FAM174B: variants seen among roughly 807,000 people sequenced by gnomAD.
The protein encoded by FAM174B is membrane protein FAM174B.
In FAM174B, 12 loss-of-function variants were observed where a neutral mutation model predicts 10.9. That is an observed-to-expected ratio of 1.10 (90% confidence interval 0.71 to 1.79). The LOEUF (loss-of-function observed/expected upper bound fraction) is 1.79. FAM174B is among the 40% of genes most tolerant of loss of function. The pLI is 0.00. For missense variants in FAM174B, 266 were observed against 233.3 expected (o/e 1.14, Z -0.91); for synonymous variants, 132 against 115.8 (o/e 1.14, Z -0.90).
intron 1 of FAM174B, among the ~76,000 whole-genome samples, chr15:92,651,773 A>T (rs1567051273): frequency 1.3e-5 from 2 of 152,256 alleles, no homozygotes; most frequent in South Asian, 4.1e-4. Flanking sequence ...AATCATTCAC[A>T]TTAGAAGCAA....
chr15:92,617,702 G>A lies in FAM174B; in HGVS notation c.*1754C>T, dbSNP rs557653767. On this transcript the variant is annotated 3_prime_UTR_variant, in exon 3 of 3. Coordinates refer to ENST00000327355, the MANE Select transcript of FAM174B (RefSeq NM_207446.3). ...GGGCGAACAGCTGCGAGGTGGCCAG[G>A]CTCCCGTGAGTCACCACTCAGGCCT... The A allele has an allele frequency of 7.1e-5, 48 of 680,308 alleles. No individual in the cohort carries two copies. Among genetic ancestry groups the A allele is most frequent in the Non-Finnish European group, 1.3e-4 (48 of 376,842 alleles). The allele number at this position is 680,308 out of a possible 1,614,324, so 42.1% of individuals were successfully genotyped here.
chr15:92,652,317 A>G (rs554973356), intron 1 of FAM174B, among the ~76,000 whole-genome samples: 2 of 152,318 alleles, frequency 1.3e-5, no homozygotes, highest in East Asian at 1.9e-4. Flanking sequence ...AACAGCAACG[A>G]GGTCAAACAG....
At position 92,648,057 on chromosome 15, in the gene FAM174B, G is replaced by A. The variant is rs1035286115; in HGVS notation, c.344+7259C>T. ...TGCCAATCAAAACCTCTTTGAATCT[G>A]CCTATGGTCTATAAGCCCCACTTCA... is the stretch of plus-strand genomic sequence containing the variant. On this transcript the variant is annotated intron_variant, in intron 1 of 2. Transcript: ENST00000327355. Among the ~76,000 whole-genome samples the A allele has an allele frequency of 4.3e-4, 65 of 152,142 alleles. 1 individual carries two copies. The highest frequency in any genetic ancestry group is 4.3e-3 in the Admixed American group (65 of 15,272).
At chr15:92,629,358 A>G (rs1266744273) in intron 2 of FAM174B, among the ~76,000 whole-genome samples, 2 of 152,240 alleles carry the variant, frequency 1.3e-5, no homozygotes, top group African/African-American at 4.8e-5. Context: ...TCCTAAAGTC[A>G]CAAAGTCATT....
In FAM174B at chr15:92,630,347, T is replaced by C. The variant is rs1165167832; in HGVS notation, c.345-2A>G. On this transcript the variant is annotated splice_acceptor_variant, in intron 1 of 2. Coordinates refer to ENST00000327355, the MANE Select transcript of FAM174B (RefSeq NM_207446.3). LOFTEE classifies it high-confidence loss of function. ...GTCTTCTTTAACCTCTTTCCCGACC[T>C]GCAGGAGAAGAAGCACATTCATGAG... The C allele has an allele frequency of 6.2e-7, 1 of 1,608,770 alleles. No homozygotes were observed. Among genetic ancestry groups the C allele is most frequent in the Non-Finnish European group, 8.5e-7 (1 of 1,177,166 alleles).
rs1381152876 is a variant in FAM174B, at chr15:92,630,766, A to ATATTATATAATAATAT, written c.345-422_345-421insATATTATTATATAATA. Among the ~76,000 whole-genome samples, 2 of 590 alleles carry ATATTATATAATAATAT rather than the reference A, an allele frequency of 3.4e-3. 1 individual carries two copies. Among genetic ancestry groups the ATATTATATAATAATAT allele is most frequent in the African/African-American group, 3.8e-3 (2 of 526 alleles). The allele number at this position is 590 out of a possible 152,430, so 0.4% of individuals were successfully genotyped here. A position where few individuals can be genotyped will look rare whatever the true frequency, so the allele number is the denominator to read the frequency against. ...TTTTTTATATTATATAATAATATAT[A>ATATTATATAATAATAT]ATAATAATATATTTTATATATTACA... On this transcript the variant is annotated intron_variant, in intron 1 of 2. Transcript: ENST00000327355.
intron 1 of FAM174B, among the ~76,000 whole-genome samples, chr15:92,644,074 A>C (rs750809355): frequency 7.9e-5 from 12 of 152,170 alleles, no homozygotes; most frequent in East Asian, 5.8e-4. Context: ...GGACATAAGA[A>C]GTAACAGAGC....
Position 92,628,069 on chromosome 15 carries a change from C to T in FAM174B, c.476+2145G>A, listed in dbSNP as rs371210781. 7.9e-5 allele frequency among the ~76,000 whole-genome samples: 12 copies of T among 152,116 alleles called. No individual in the cohort carries two copies. In the East Asian group the frequency reaches 1.5e-3, roughly 20 times the overall value. ...CATTCTCTAGTATACTTTAAATCAT[C>T]CCTAAATTATTCCTAATACCTAATA... On this transcript the variant is annotated intron_variant, in intron 2 of 2. Transcript: ENST00000327355.
intron 1 of FAM174B, among the ~76,000 whole-genome samples, chr15:92,644,840 C>A (rs1380420755): frequency 6.6e-6 from 1 of 152,258 alleles, no homozygotes; most frequent in Admixed American, 6.5e-5. Context: ...CAAGCTCCTG[C>A]CCGGCTGCCC....
At chr15:92,634,336 T>C (rs1445775930) in intron 1 of FAM174B, 1 of 152,242 alleles carries the variant, frequency 6.6e-6, no homozygotes, top group Non-Finnish European at 1.5e-5. Context: ...ATGCCTCGTG[T>C]AGTCATTGGC....
chr15:92,629,628 G>T (rs1294322611), intron 2 of FAM174B, among the ~76,000 whole-genome samples: 3 of 152,188 alleles, frequency 2.0e-5, no homozygotes, highest in Non-Finnish European at 4.4e-5. Context: ...AGGTGACTTT[G>T]TGTTCTCCTT....
At chr15:92,641,582 T>C (rs537629705) in intron 1 of FAM174B, among the ~76,000 whole-genome samples, 2 of 152,138 alleles carry the variant, frequency 1.3e-5, no homozygotes, top group East Asian at 3.9e-4. Context: ...AGAAAAGATA[T>C]CCACATGCAA....
At chr15:92,643,080 G>C (rs1328049325) in intron 1 of FAM174B, among the ~76,000 whole-genome samples, 1 of 151,844 alleles carries the variant, frequency 6.6e-6, no homozygotes, top group Non-Finnish European at 1.5e-5. Flanking sequence ...TGATTTCAGT[G>C]ATAGATGCAC....
chr15:92,627,051 CA>C (rs906863198), intron 2 of FAM174B: 1 of 148,308 alleles, frequency 6.7e-6, no homozygotes, highest in Non-Finnish European at 1.5e-5. Flanking sequence ...GACTCCATCT[CA>C]AAAAAAACAA....
intron 1 of FAM174B, among the ~76,000 whole-genome samples, chr15:92,638,318 C>A (rs2050868813): frequency 6.6e-6 from 1 of 152,158 alleles, no homozygotes; most frequent in Non-Finnish European, 1.5e-5. Flanking sequence ...TTCTTTTAGT[C>A]TGAAATATAA....
rs191286605 is a variant in FAM174B, at chr15:92,638,918, T to C, written c.345-8573A>G. ...GCCCCTCCTGCGTCATCCACAGCAC[T>C]GGGGTGACGGTACCAGCAGGCACTG... On this transcript the variant is annotated intron_variant, in intron 1 of 2. Coordinates refer to ENST00000327355, the MANE Select transcript of FAM174B (RefSeq NM_207446.3). Among the ~76,000 whole-genome samples the C allele has an allele frequency of 1.0e-3, 154 of 152,286 alleles. 1 individual carries two copies. Among genetic ancestry groups the C allele is most frequent in the African/African-American group, 3.6e-3 (148 of 41,554 alleles).
At chr15:92,626,153 C>T (rs2141950205) in intron 2 of FAM174B, among the ~76,000 whole-genome samples, 2 of 42,464 alleles carry the variant, frequency 4.7e-5, no homozygotes, top group East Asian at 1.1e-3. Context: ...GGCCGGAGTG[C>T]ACTGGCGCGA....
At chr15:92,651,441 T>A (rs182228030) in intron 1 of FAM174B, among the ~76,000 whole-genome samples, 24 of 152,324 alleles carry the variant, frequency 1.6e-4, no homozygotes, top group Admixed American at 1.3e-3. Flanking sequence ...AAACATATCG[T>A]GAATAATAAA....
chr15:92,646,588 G>A (rs1257223462), intron 1 of FAM174B, among the ~76,000 whole-genome samples: 1 of 152,164 alleles, frequency 6.6e-6, no homozygotes, highest in Non-Finnish European at 1.5e-5. Context: ...AGGGTGGGGG[G>A]TTGGACATAC....
Sources: allele counts gnomAD v4.1 joint callset (sites outside exome capture counted in the v4.1 genomes callset), GRCh38; gene constraint gnomAD v4.1.1; transcripts MANE v1.5; gene names NCBI Gene and HGNC (gene_info 2026-07-23, HGNC 2026-07-21).